IKZF1: variants seen among roughly 807,000 people sequenced by gnomAD.
IKZF1 encodes IKAROS family zinc finger 1, also known as DNA-binding protein Ikaros.
A neutral mutation model predicts 51.7 loss-of-function variants in IKZF1; 10 were observed. That is an observed-to-expected ratio of 0.19 (90% confidence interval 0.12 to 0.33). The LOEUF is 0.33. Among genes scored for constraint, IKZF1 ranks in the 10% least tolerant of loss-of-function variants. The probability of loss-of-function intolerance (pLI) is 1.00; values close to 1 mark genes in which losing one functional copy is unlikely to be tolerated. For missense variants in IKZF1, 484 were observed against 707.5 expected (o/e 0.68, Z 3.58); for synonymous variants, 280 against 282.3 (o/e 0.99, Z 0.08).
At chr7:50,333,885 A>G (rs1440600820) in intron 3 of IKZF1, among the ~76,000 whole-genome samples, 1 of 152,160 alleles carries the variant, frequency 6.6e-6, no homozygotes, top group Non-Finnish European at 1.5e-5. Context: ...GACAGCAGGT[A>G]TTGTCAGCAT....
intron 1 of IKZF1, among the ~76,000 whole-genome samples, chr7:50,316,950 G>C (rs1791725997): frequency 6.6e-6 from 1 of 152,176 alleles, no homozygotes; most frequent in Non-Finnish European, 1.5e-5. Flanking sequence ...AAATGATGAT[G>C]GTGGTGTGTA....
At chr7:50,364,034 T>G (rs530942202) in intron 3 of IKZF1, among the ~76,000 whole-genome samples, 14 of 152,316 alleles carry the variant, frequency 9.2e-5, no homozygotes, top group African/African-American at 3.4e-4. Context: ...GCATTTTTTC[T>G]AAATTTTATA....
rs903774929 is a variant in IKZF1, at chr7:50,404,807, A to C, written c.*4180A>C. 4.4e-6 allele frequency: 1 copy of C among 227,770 alleles called. No individual in the cohort carries two copies. The highest frequency in any genetic ancestry group is 8.7e-6 in the Non-Finnish European group (1 of 114,672). The allele number at this position is 227,770 out of a possible 1,614,324, so 14.1% of individuals were successfully genotyped here. A position where few individuals can be genotyped will look rare whatever the true frequency, so the allele number is the denominator to read the frequency against. On this transcript the variant is annotated 3_prime_UTR_variant, in exon 8 of 8. Transcript: ENST00000331340. ...TCACTACCTTGTCTTTTACATAGTC[A>C]TAAGAATTATCCTCAACATAGCCTT...
chr7:50,391,903 T>C lies in IKZF1; in HGVS notation c.850+40T>C, dbSNP rs375891175. 1.9e-6 allele frequency: 3 copies of C among 1,580,216 alleles called. No individual in the cohort carries two copies. In the African/African-American group the frequency reaches 4.1e-5, roughly 21 times the overall value. ...TTTGCTGTCTCTTAAAAAAAAACTA[T>C]GTGGGTGTTTTAGATGCAAGTAGAA... On this transcript the variant is annotated intron_variant, in intron 7 of 7. Coordinates refer to ENST00000331340, the MANE Select transcript of IKZF1 (RefSeq NM_006060.6).
chr7:50,387,763 T>C (rs1001533289), intron 6 of IKZF1, among the ~76,000 whole-genome samples: 17 of 152,210 alleles, frequency 1.1e-4, no homozygotes, highest in Non-Finnish European at 1.9e-4. Flanking sequence ...GGGTTGTTTT[T>C]TGGATGTTGG....
chr7:50,377,993 C>T (rs139868713), intron 4 of IKZF1, among the ~76,000 whole-genome samples: 8 of 152,302 alleles, frequency 5.3e-5, no homozygotes, highest in South Asian at 2.1e-4. Context: ...AAAATGATGA[C>T]GATGACTTGA....
chr7:50,321,340 C>G (rs1349130252), intron 2 of IKZF1, among the ~76,000 whole-genome samples: 1 of 152,236 alleles, frequency 6.6e-6, no homozygotes, highest in African/African-American at 2.4e-5. Flanking sequence ...TTTATAGCCT[C>G]TCATTTGGCT....
intron 2 of IKZF1, among the ~76,000 whole-genome samples, chr7:50,324,816 G>A (rs1046898166): frequency 3.9e-5 from 6 of 152,096 alleles, no homozygotes; most frequent in East Asian, 1.9e-4. Context: ...TGCACTGAGC[G>A]GAAAGTACGA....
chr7:50,332,966 T>G (rs1796739895), intron 3 of IKZF1, among the ~76,000 whole-genome samples: 1 of 152,078 alleles, frequency 6.6e-6, no homozygotes, highest in South Asian at 2.1e-4. Flanking sequence ...CAGTGTGGTG[T>G]TCAGAGGCAT....
chr7:50,320,591 A>T lies in IKZF1; in HGVS notation c.40+1490A>T, dbSNP rs1333223151. On this transcript the variant is annotated intron_variant, in intron 2 of 7. Transcript: ENST00000331340. ...TCTCTCCCTATCTTCCACTCCCCCG[A>T]CCTTTCCAGCCTCTATTAGCCTCTG... 1.3e-5 allele frequency among the ~76,000 whole-genome samples: 2 copies of T among 152,144 alleles called. 1 individual carries two copies. The highest frequency in any genetic ancestry group is 4.8e-5 in the African/African-American group (2 of 41,418).
chr7:50,306,820 T>C (rs1471375977), intron 1 of IKZF1, among the ~76,000 whole-genome samples: 1 of 152,276 alleles, frequency 6.6e-6, no homozygotes, highest in Non-Finnish European at 1.5e-5. Context: ...TTGATTTGGA[T>C]GTGTGTGTTT....
intron 3 of IKZF1, among the ~76,000 whole-genome samples, chr7:50,335,576 G>A (rs1220368834): frequency 1.3e-5 from 2 of 149,972 alleles, no homozygotes; most frequent in Admixed American, 1.3e-4. Context: ...GTGTGTATGT[G>A]TGTTGTATGT....
chr7:50,303,456 C>T (rs1230179631), upstream of IKZF1, among the ~76,000 whole-genome samples: 1 of 152,202 alleles, frequency 6.6e-6, no homozygotes, highest in Non-Finnish European at 1.5e-5. The surrounding 1 kb of genome is among the most constrained non-coding windows in gnomAD (Gnocchi z 4.7). Flanking sequence ...CCCTTCCGCA[C>T]GCACTTGTGT....
Position 50,313,759 on chromosome 7 carries a change from A to G in IKZF1, c.-14-5289A>G, listed in dbSNP as rs555559804. Among the ~76,000 whole-genome samples, 4 of 152,356 alleles carry G rather than the reference A, an allele frequency of 2.6e-5. No individual in the cohort carries two copies. In the South Asian group the frequency reaches 8.3e-4, roughly 32 times the overall value. On this transcript the variant is annotated intron_variant, in intron 1 of 7. Transcript: ENST00000331340. ...TTGGGTTTAATTGGGAGAGTTAAAG[A>G]CACATTTACATATTTAGCAAGTAGG...
At position 50,376,808 on chromosome 7, in the gene IKZF1, A is replaced by C; in HGVS notation, c.421+15A>C. 1 of 1,611,858 alleles carries C rather than the reference A, an allele frequency of 6.2e-7. No homozygotes were observed. The highest frequency in any genetic ancestry group is 8.5e-7 in the Non-Finnish European group (1 of 1,178,206). On this transcript the variant is annotated intron_variant, in intron 4 of 7. Transcript: ENST00000331340. The surrounding 1 kb of genome is among the most constrained non-coding windows in gnomAD (Gnocchi z 4.5). ...AAGCCACACTGGTAAGGCCTGGCTC[A>C]GTTTTTCCTTTAGTGGCCTGGAGAA...
chr7:50,360,902 C>G (rs1047919317), intron 3 of IKZF1, among the ~76,000 whole-genome samples: 7 of 152,260 alleles, frequency 4.6e-5, no homozygotes. Flanking sequence ...ACCCCAAGCC[C>G]CTCCTGCCCG....
At chr7:50,386,915 A>G (rs966282731) in intron 5 of IKZF1, among the ~76,000 whole-genome samples, 14 of 152,360 alleles carry the variant, frequency 9.2e-5, no homozygotes, top group East Asian at 1.9e-4. Flanking sequence ...CACCAGCGTC[A>G]TGACAGATCC....
intron 3 of IKZF1, among the ~76,000 whole-genome samples, chr7:50,360,820 TGGCTCTGCCC>T (rs1426842998): frequency 6.6e-6 from 1 of 152,258 alleles, no homozygotes. Flanking sequence ...CATCACCATG[TGGCTCTGCCC>T]GGCGCTGCCC....
At chr7:50,383,983 G>T (rs1812625150) in intron 5 of IKZF1, among the ~76,000 whole-genome samples, 1 of 152,254 alleles carries the variant, frequency 6.6e-6, no homozygotes, top group South Asian at 2.1e-4. Flanking sequence ...GACCTCAGGT[G>T]CACACAAGGA....
Sources: allele counts gnomAD v4.1 joint callset (sites outside exome capture counted in the v4.1 genomes callset), GRCh38; gene constraint gnomAD v4.1.1; non-coding constraint Gnocchi (gnomAD v3.1); transcripts MANE v1.5; gene names NCBI Gene and HGNC (gene_info 2026-07-23, HGNC 2026-07-21).